IQUB: variants seen among roughly 807,000 people sequenced by gnomAD.
IQUB encodes IQ motif and ubiquitin-like domain-containing protein.
A neutral mutation model predicts 86.4 loss-of-function variants in IQUB; 86 were observed. The ratio of observed to expected loss-of-function variants is 1.00; its 90% CI spans 0.84 to 1.19. The LOEUF (loss-of-function observed/expected upper bound fraction) is 1.19. Ranked by LOEUF, IQUB falls within the 50% of genes most tolerant of loss-of-function variation. The probability of loss-of-function intolerance (pLI) is 0.00; values close to 1 mark genes in which losing one functional copy is unlikely to be tolerated. For missense variants in IQUB, 946 were observed against 916.9 expected, an observed-to-expected ratio of 1.03 and a Z score of -0.41; for synonymous variants, 289 against 304.5, an observed-to-expected ratio of 0.95 and a Z score of 0.53.
In IQUB at chr7:123,524,817, G is replaced by T. The variant is rs548650118; in HGVS notation, c.-5+9675C>A. On this transcript the variant is annotated intron_variant, in intron 1 of 12. Coordinates refer to ENST00000324698, the MANE Select transcript of IQUB (RefSeq NM_178827.5). ...AATGCTTCCAGTTTTGGCCCATTCA[G>T]TATGATATTGGCTGTGGGTTTGTCA... is the stretch of plus-strand genomic sequence containing the variant. 4.5e-4 allele frequency among the ~76,000 whole-genome samples: 67 copies of T among 149,614 alleles called. 1 individual carries two copies. The highest frequency in any genetic ancestry group is 1.6e-3 in the African/African-American group (66 of 40,538).
intron 6 of IQUB, among the ~76,000 whole-genome samples, chr7:123,500,690 A>T (rs1476559880): frequency 6.6e-6 from 1 of 152,000 alleles, no homozygotes; most frequent in East Asian, 1.9e-4. Context: ...CTCCCACAGA[A>T]CCTCCAATTC....
chr7:123,462,208 G>T (rs760853051), intron 10 of IQUB, among the ~76,000 whole-genome samples: 1 of 151,638 alleles, frequency 6.6e-6, no homozygotes, highest in Non-Finnish European at 1.5e-5. Flanking sequence ...ACTGAATCAA[G>T]ACATATATAT....
chr7:123,528,071 C>T (rs1456731380), intron 1 of IQUB, among the ~76,000 whole-genome samples: 2 of 152,172 alleles, frequency 1.3e-5, no homozygotes, highest in East Asian at 3.9e-4. Context: ...GGGAGTGACC[C>T]GATTTTCCAG....
intron 3 of IQUB, among the ~76,000 whole-genome samples, chr7:123,508,482 C>T (rs990568308): frequency 6.6e-6 from 1 of 152,326 alleles, no homozygotes; most frequent in South Asian, 2.1e-4. Flanking sequence ...AACTGGAGCT[C>T]AAGTTCTAGT....
At chr7:123,469,832 C>T (rs1275686203) in intron 8 of IQUB, among the ~76,000 whole-genome samples, 1 of 152,060 alleles carries the variant, frequency 6.6e-6, no homozygotes, top group Admixed American at 6.6e-5. Context: ...CAAAAAGGGA[C>T]TCTGTGAGTT....
chr7:123,489,302 A>C (rs769896058), intron 7 of IQUB, among the ~76,000 whole-genome samples: 4 of 152,164 alleles, frequency 2.6e-5, no homozygotes, highest in Non-Finnish European at 5.9e-5. Flanking sequence ...GTAAGAACTC[A>C]TACTCCCTGG....
At chr7:123,475,514 A>G (rs1381521711) in intron 8 of IQUB, among the ~76,000 whole-genome samples, 2 of 152,004 alleles carry the variant, frequency 1.3e-5, no homozygotes, top group Non-Finnish European at 2.9e-5. Flanking sequence ...TGGATACTCC[A>G]TAATTTCAAG....
chr7:123,511,924 C>G lies in IQUB; in HGVS notation c.397+20G>C. 1 of 1,502,350 alleles carries G rather than the reference C, an allele frequency of 6.7e-7. No individual in the cohort carries two copies. Among genetic ancestry groups the G allele is most frequent in the Non-Finnish European group, 9.0e-7 (1 of 1,115,004 alleles). The allele number at this position is 1,502,350 out of a possible 1,614,324, so 93.1% of individuals were successfully genotyped here. On this transcript the variant is annotated intron_variant, in intron 2 of 12. Transcript: ENST00000324698. ...CTTCAAAATGAGAAAATGAAATAGC[C>G]TATCTTCCTTAGGTAGTACCTGTTG...
At chr7:123,501,097 A>C (rs1027073453) in intron 6 of IQUB, 1 of 152,226 alleles carries the variant, frequency 6.6e-6, no homozygotes, top group Non-Finnish European at 1.5e-5. Flanking sequence ...GGATGCAAGT[A>C]GAAGTCACTG....
chr7:123,511,096 T>C (rs1374868562), intron 2 of IQUB, among the ~76,000 whole-genome samples: 1 of 152,160 alleles, frequency 6.6e-6, no homozygotes, highest in Non-Finnish European at 1.5e-5. Context: ...TGGGCTTACG[T>C]AGTTTTCTCT....
rs1355577982 is a variant in IQUB, at chr7:123,502,642, T to C, written c.978A>G (p.Gly326=). The change falls in exon 6 of 13, where the codon GGA becomes GGG. Residue 326 remains glycine, a synonymous_variant. Transcript: ENST00000324698. The part of the protein sequence containing the change: ...SNMTDKLVTP[G]KYFSAAEYHA... The stretch of plus-strand genomic sequence containing the variant: ...GGTATTCTGCTGCTGAAAAATACTT[T>C]CCTGGTGTTACCAGTTTATCAGTCA... The C allele has an allele frequency of 1.2e-6, 2 of 1,613,062 alleles. No individual in the cohort carries two copies. Among genetic ancestry groups the C allele is most frequent in the Non-Finnish European group, 1.7e-6 (2 of 1,179,634 alleles).
Position 123,496,900 on chromosome 7 carries a change from CT to C in IQUB, c.1029del (p.Ile343MetfsTer2). The C allele has an allele frequency of 6.3e-7, 1 of 1,598,210 alleles. No homozygotes were observed. Among genetic ancestry groups the C allele is most frequent in the Non-Finnish European group, 8.5e-7 (1 of 1,171,296 alleles). ...EYHAQRLKAV[I>X]VIQTYYRQWH... ...CATTGCCTGTAGTAAGTCTGTATCA[CT>C]ATCACCTATAGTTAAATTAAAAGGA... On this transcript the variant is annotated frameshift_variant, in exon 7 of 13. Transcript: ENST00000324698. LOFTEE classifies it high-confidence loss of function.
chr7:123,460,886 C>T (rs1331312468), intron 11 of IQUB, among the ~76,000 whole-genome samples: 1 of 151,684 alleles, frequency 6.6e-6, no homozygotes, highest in African/African-American at 2.4e-5. Flanking sequence ...AATGATTCAT[C>T]CAAAAGAACT....
intron 7 of IQUB, among the ~76,000 whole-genome samples, chr7:123,480,777 A>C (rs993137859): frequency 1.1e-4 from 16 of 152,074 alleles, no homozygotes; most frequent in African/African-American, 3.9e-4. Flanking sequence ...CAAAACTCTA[A>C]ATTATAGTCA....
At position 123,521,716 on chromosome 7, in the gene IQUB, T is replaced by TGTATAG. The variant is rs138994823; in HGVS notation, c.-4-9378_-4-9373dup. Reference sequence around the variant, plus strand: ...AGTTCTCTGTAACCTGTAGATTGTATGTATAGTAGTGCCTAAGGTTCATAG... The same window carrying TGTATAG: ...AGTTCTCTGTAACCTGTAGATTGTATGTATAGGTATAGTAGTGCCTAAGGTTCATAG... On this transcript the variant is annotated intron_variant, in intron 1 of 12. Coordinates refer to ENST00000324698, the MANE Select transcript of IQUB (RefSeq NM_178827.5). Among the ~76,000 whole-genome samples the TGTATAG allele has an allele frequency of 1.2e-4, 18 of 151,666 alleles. No homozygotes were observed. In the East Asian group the frequency reaches 3.5e-3, roughly 30 times the overall value.
intron 1 of IQUB, among the ~76,000 whole-genome samples, chr7:123,516,523 T>C (rs560060822): frequency 1.3e-5 from 2 of 152,130 alleles, no homozygotes; most frequent in Non-Finnish European, 2.9e-5. Flanking sequence ...AAGTACTCTA[T>C]ATGTTGACAG....
At chr7:123,487,763 CAAG>C (rs1795270561) in intron 7 of IQUB, among the ~76,000 whole-genome samples, 1 of 152,182 alleles carries the variant, frequency 6.6e-6, no homozygotes, top group Non-Finnish European at 1.5e-5. Context: ...TATTAGCTAA[CAAG>C]GCACTTTTGG....
At chr7:123,503,693 T>C (rs1031943887) in intron 3 of IQUB, among the ~76,000 whole-genome samples, 4 of 151,838 alleles carry the variant, frequency 2.6e-5, no homozygotes, top group Non-Finnish European at 5.9e-5. Flanking sequence ...AAAGGTGAAC[T>C]TTGAAACTTT....
At chr7:123,519,687 G>A (rs1232983068) in intron 1 of IQUB, among the ~76,000 whole-genome samples, 1 of 152,114 alleles carries the variant, frequency 6.6e-6, no homozygotes, top group Non-Finnish European at 1.5e-5. Context: ...TGGTTAAGGG[G>A]TTCAAAAATA....
Sources: gnomAD v4.1 joint callset for allele counts (sites outside exome capture counted in the v4.1 genomes callset) on GRCh38, gnomAD v4.1.1 for gene constraint, MANE v1.5 for transcripts, NCBI Gene and HGNC (gene_info 2026-07-23, HGNC 2026-07-21) for gene names.